Variants in MBOAT2 observed in about 807,000 individuals in gnomAD.
The protein encoded by MBOAT2 is membrane-bound glycerophospholipid O-acyltransferase 2.
Under a neutral mutation model 63.4 loss-of-function variants are expected in MBOAT2, and 28 were observed. The ratio of observed to expected loss-of-function variants is 0.44; its 90% CI spans 0.33 to 0.61. The LOEUF (loss-of-function observed/expected upper bound fraction) is 0.61, where lower values mean the gene tolerates loss of function less well. Among genes scored for constraint, MBOAT2 ranks in the 20% least tolerant of loss-of-function variants. The pLI, the probability that MBOAT2 is intolerant of heterozygous loss-of-function variation, is 0.03. For synonymous variants in MBOAT2, 211 were observed against 215.6 expected, an observed-to-expected ratio of 0.98 and a Z score of 0.19; for missense variants, 470 against 605.8, an observed-to-expected ratio of 0.78 and a Z score of 2.35.
chr2:8,932,121 A>G (rs1172170444), intron 3 of MBOAT2, among the ~76,000 whole-genome samples: 2 of 152,028 alleles, frequency 1.3e-5, no homozygotes, highest in African/African-American at 2.4e-5. Flanking sequence ...AGGACTATTT[A>G]ATAAGCTAGC....
At position 8,853,106 on chromosome 2, in the gene MBOAT2, G is replaced by A. The variant is rs753756159; in HGVS notation, c.*5573C>T. The A allele has an allele frequency of 6.6e-6, 1 of 152,202 alleles. No individual in the cohort carries two copies. The highest frequency in any genetic ancestry group is 1.9e-4 in the East Asian group (1 of 5,204). 9.4% of individuals were successfully genotyped at this position (152,202 alleles called of 1,614,324 possible). A position where few individuals can be genotyped will look rare whatever the true frequency, so the allele number is the denominator to read the frequency against. ...ACTACTAGGCAGAGATCAAGACAAC[G>A]TTTAAAGGAAGGCAGGAATGAAATC... On this transcript the variant is annotated 3_prime_UTR_variant, in exon 13 of 13. Transcript: ENST00000305997.
chr2:8,869,187 C>T (rs974173201), intron 8 of MBOAT2, among the ~76,000 whole-genome samples: 5 of 151,208 alleles, frequency 3.3e-5, no homozygotes, highest in Admixed American at 6.6e-5. Flanking sequence ...GCTGGGACTG[C>T]AGGTGCACAT....
chr2:8,882,568 G>C lies in MBOAT2; in HGVS notation c.452-3C>G, dbSNP rs374623015. The C allele has an allele frequency of 1.2e-6, 2 of 1,613,972 alleles. No individual in the cohort carries two copies. The highest frequency in any genetic ancestry group is 2.7e-5 in the African/African-American group (2 of 74,924). ...TTCTTCATCCTTCCGAAACATCCCT[G>C]AGAAACAAAAATAGGTACTCATCAA... On this transcript the variant is annotated splice_polypyrimidine_tract_variant and splice_region_variant and intron_variant, in intron 5 of 12. Coordinates refer to ENST00000305997, the MANE Select transcript of MBOAT2 (RefSeq NM_138799.4).
At chr2:8,958,670 T>C in intron 1 of MBOAT2, 28 bp from the exon 2 acceptor site, 1 of 1,527,620 alleles carries the variant, frequency 6.5e-7, no homozygotes, top group Non-Finnish European at 8.8e-7. Flanking sequence ...AATTTTGTAT[T>C]AGCAACACAG....
chr2:8,976,816 GGT>G (rs1490451012), intron 1 of MBOAT2, among the ~76,000 whole-genome samples: 3 of 152,012 alleles, frequency 2.0e-5, no homozygotes, highest in African/African-American at 7.3e-5. Context: ...AAGTGAATCT[GGT>G]ATAGTCATAC....
Position 8,858,638 on chromosome 2 carries a change from T to C in MBOAT2, c.*41A>G, listed in dbSNP as rs754731934. The C allele has an allele frequency of 6.8e-7, 1 of 1,465,824 alleles. No individual in the cohort carries two copies. Among genetic ancestry groups the C allele is most frequent in the South Asian group, 1.2e-5 (1 of 80,070 alleles). The allele number at this position is 1,465,824 out of a possible 1,614,324, so 90.8% of individuals were successfully genotyped here. On this transcript the variant is annotated 3_prime_UTR_variant, in exon 13 of 13. Transcript: ENST00000305997. ...GAAAAGGTGCTAAGATTGGTTTCTG[T>C]TAACATCAAAAAAAAAAAACAGCCC...
At chr2:8,888,256 G>A (rs946914390) in intron 4 of MBOAT2, among the ~76,000 whole-genome samples, 183 bp from the exon 5 acceptor site, 8 of 152,144 alleles carry the variant, frequency 5.3e-5, no homozygotes, top group African/African-American at 1.7e-4. Context: ...CAGCATAGGC[G>A]ATGGGGATCT....
At chr2:8,941,544 A>T (rs1475347950) in intron 3 of MBOAT2, among the ~76,000 whole-genome samples, 1 of 151,942 alleles carries the variant, frequency 6.6e-6, no homozygotes, top group Non-Finnish European at 1.5e-5. Context: ...GGAGCCTGTA[A>T]TCCCAGCTAC....
At position 8,968,047 on chromosome 2, in the gene MBOAT2, G is replaced by A. The variant is rs182490352; in HGVS notation, c.76-9405C>T. On this transcript the variant is annotated intron_variant, in intron 1 of 12. Transcript: ENST00000305997. The stretch of plus-strand genomic sequence containing the variant: ...AAGAGAGTAGTGGTTCTTCGAGCAC[G>A]GAGTTTGAGATCTGAGAACAGACAG... Among the ~76,000 whole-genome samples, 14 of 152,054 alleles carry A rather than the reference G, an allele frequency of 9.2e-5. No homozygotes were observed. The East Asian group carries it at 1.2e-3, about 13-fold the overall frequency.
chr2:8,951,226 A>G (rs1668807629), intron 2 of MBOAT2, among the ~76,000 whole-genome samples: 1 of 146,172 alleles, frequency 6.8e-6, no homozygotes, highest in Non-Finnish European at 1.5e-5. Context: ...TTTTTTTGAG[A>G]CAGAGTCTCA....
intron 4 of MBOAT2, among the ~76,000 whole-genome samples, chr2:8,901,017 C>CTGGG (rs1664880769): frequency 6.6e-6 from 1 of 152,158 alleles, no homozygotes. Context: ...ATCTGAAAGA[C>CTGGG]AAAACCACCC....
intron 5 of MBOAT2, among the ~76,000 whole-genome samples, chr2:8,884,985 G>A (rs1345824938): frequency 6.6e-6 from 1 of 152,184 alleles, no homozygotes; most frequent in Non-Finnish European, 1.5e-5. Flanking sequence ...TCTGAGCCCT[G>A]GCATGACACC....
intron 1 of MBOAT2, among the ~76,000 whole-genome samples, chr2:8,969,549 A>C (rs1193882800): frequency 6.6e-6 from 1 of 152,232 alleles, no homozygotes; most frequent in East Asian, 1.9e-4. Context: ...AATGGGCTAA[A>C]TGCTCCATTT....
At chr2:8,968,596 G>A (rs1321110780) in intron 1 of MBOAT2, among the ~76,000 whole-genome samples, 1 of 152,196 alleles carries the variant, frequency 6.6e-6, no homozygotes, top group Non-Finnish European at 1.5e-5. Context: ...AAAGGAGGAA[G>A]TTTGAACCCA....
intron 6 of MBOAT2, among the ~76,000 whole-genome samples, chr2:8,880,343 T>TC (rs1663019937): frequency 6.6e-6 from 1 of 151,540 alleles, no homozygotes; most frequent in African/African-American, 2.4e-5. Flanking sequence ...AAAATGGAAG[T>TC]CCCCCCAAGC....
chr2:8,881,883 C>T (rs532145935), intron 6 of MBOAT2, among the ~76,000 whole-genome samples: 3 of 152,232 alleles, frequency 2.0e-5, no homozygotes, highest in South Asian at 2.1e-4. Flanking sequence ...TTGGAAACAA[C>T]GTAATCTGTG....
intron 3 of MBOAT2, among the ~76,000 whole-genome samples, chr2:8,933,650 A>AT (rs1404445929): frequency 1.3e-5 from 2 of 152,196 alleles, no homozygotes; most frequent in African/African-American, 4.8e-5. Context: ...ACATCTTTTG[A>AT]TTTTTTAATT....
intron 2 of MBOAT2, among the ~76,000 whole-genome samples, chr2:8,954,666 C>T (rs866824412): frequency 1.3e-5 from 2 of 152,208 alleles, no homozygotes; most frequent in South Asian, 4.1e-4. Flanking sequence ...TACCCTTGAA[C>T]CACAGTCTAT....
In MBOAT2 at chr2:8,938,619, C is replaced by T. The variant is rs546095996; in HGVS notation, c.299+4568G>A. Among the ~76,000 whole-genome samples, 26 of 150,388 alleles carry T rather than the reference C, an allele frequency of 1.7e-4. No homozygotes were observed. The East Asian group carries it at 3.3e-3, about 19-fold the overall frequency. On this transcript the variant is annotated intron_variant, in intron 3 of 12. Transcript: ENST00000305997. ...CATGCCACCGTGTTTCATGCTGCCACGTTTCATGCCACCGTCTCATGCCAC... is the reference window on the plus strand; with the variant it reads ...CATGCCACCGTGTTTCATGCTGCCATGTTTCATGCCACCGTCTCATGCCAC...
Sources: gnomAD v4.1 joint callset for allele counts (sites outside exome capture counted in the v4.1 genomes callset) on GRCh38, gnomAD v4.1.1 for gene constraint, MANE v1.5 for transcripts, NCBI Gene and HGNC (gene_info 2026-07-23, HGNC 2026-07-21) for gene names.